PKD1: variants seen among roughly 807,000 people sequenced by gnomAD.
PKD1 encodes polycystin-1.
Under a neutral mutation model 361.7 loss-of-function variants are expected in PKD1, and 81 were observed. The ratio of observed to expected loss-of-function variants is 0.22; its 90% CI spans 0.19 to 0.27. The LOEUF (loss-of-function observed/expected upper bound fraction) is 0.27, where lower values mean the gene tolerates loss of function less well. Ranked by LOEUF, PKD1 falls within the 10% of genes least tolerant of loss-of-function variation. The pLI is 1.00. For missense variants in PKD1, 6,399 were observed against 6,118.3 expected (o/e 1.05, Z -1.53); for synonymous variants, 3,615 against 2,818.3 (o/e 1.28, Z -8.95).
intron 1 of PKD1, 61 bp from the exon 2 acceptor site, chr16:2,119,439 G>A (rs1044095185): frequency 8.4e-6 from 9 of 1,068,190 alleles, no homozygotes; most frequent in Non-Finnish European, 1.1e-5. Flanking sequence ...GGCCATCCCT[G>A]GGCCCATCCC....
At chr16:2,131,056 C>G (rs1269093659) in intron 1 of PKD1, among the ~76,000 whole-genome samples, 1 of 152,192 alleles carries the variant, frequency 6.6e-6, no homozygotes, top group Non-Finnish European at 1.5e-5. Flanking sequence ...TCGGCTCCAA[C>G]GACCAATTTA....
intron 34 of PKD1, 92 bp from the exon 35 acceptor site, chr16:2,094,302 C>A (rs1459675670): frequency 1.3e-6 from 1 of 793,982 alleles, no homozygotes; most frequent in Middle Eastern, 2.5e-4. Flanking sequence ...GTTTCTTGAG[C>A]CTCTTGGGTC....
In PKD1 at chr16:2,090,372, C is replaced by T; in HGVS notation, c.12357G>A (p.Arg4119=). ...CGTAGTCCTGGGGCTCCCAGGCCGG[C>T]CGGTACAGCTCTCCACGCAAGGCGT... ...RYHALRGELY[R]PAWEPQDYEM... Residue 4119 remains arginine, a synonymous_variant, in exon 45 of 46, where the codon CGG becomes CGA. Transcript: ENST00000262304. The T allele has an allele frequency of 1.9e-6, 3 of 1,612,692 alleles. No individual in the cohort carries two copies. The highest frequency in any genetic ancestry group is 1.7e-6 in the Non-Finnish European group (2 of 1,179,928).
chr16:2,114,046 G>A, intron 11 of PKD1, 124 bp downstream of exon 11: 1 of 845,540 alleles, frequency 1.2e-6, no homozygotes, highest in South Asian at 1.6e-5. Context: ...GACCTGCCCG[G>A]GGCCGACGTC....
At chr16:2,105,543 C>T in intron 20 of PKD1, 69 bp from the exon 21 acceptor site, 2 of 1,595,002 alleles carry the variant, frequency 1.3e-6, no homozygotes, top group Non-Finnish European at 1.7e-6. Flanking sequence ...AGCAGATGCC[C>T]ACGACTCCCG....
At position 2,089,734 on chromosome 16, in the gene PKD1, C is replaced by G; in HGVS notation, c.12905G>C (p.Ser4302Thr). Reference protein sequence around the residue: ...LRAKNKVHPSST With the variant: ...LRAKNKVHPSTT ...CCCCGCCAGGAAGGAGGACTAAGTG[C>G]TGCTGGGGTGGACCTTGTTCTTGGC... is the stretch of plus-strand genomic sequence containing the variant. Residue 4302 changes from serine (S) to threonine (T), a missense_variant, in exon 46 of 46, where the codon AGC becomes ACC. By Grantham distance (58) the Ser-to-Thr change is moderately conservative (BLOSUM62 1). Transcript: ENST00000262304. The G allele has an allele frequency of 6.3e-7, 1 of 1,583,682 alleles. No homozygotes were observed.
chr16:2,092,332 A>G, intron 39 of PKD1, 144 bp from the exon 40 acceptor site: 1 of 1,004,932 alleles, frequency 1.0e-6, no homozygotes, highest in Non-Finnish European at 1.5e-6. Context: ...CAACGTTACC[A>G]TCTCTCATAT....
rs1340039069 is a variant in PKD1 at position 2,091,891 on chromosome 16, G to A, written c.11427C>T (p.Gly3809=). The change falls in exon 41 of 46, where the codon GGC becomes GGT. Residue 3809 remains glycine, a synonymous_variant. Coordinates refer to ENST00000262304, the MANE Select transcript of PKD1 (RefSeq NM_001009944.3). The part of the protein sequence containing the change: ...APDLLGAWSW[G]SCAVYDSGGY... Reference sequence around the variant, plus strand: ...CCCCGCTGTCATACACGGCACAGGAGCCCCAGGACCATGCCCTGCCGGAGA... The same window carrying A: ...CCCCGCTGTCATACACGGCACAGGAACCCCAGGACCATGCCCTGCCGGAGA... The A allele has an allele frequency of 2.5e-6, 4 of 1,611,392 alleles. No individual in the cohort carries two copies. The highest frequency in any genetic ancestry group is 2.2e-5 in the South Asian group (2 of 91,052).
At position 2,135,853 on chromosome 16, in the gene PKD1, C is replaced by A. The variant is rs1457497785; in HGVS notation, c.-164G>T. The A allele has an allele frequency of 7.8e-6, 2 of 256,496 alleles. No individual in the cohort carries two copies. Among genetic ancestry groups the A allele is most frequent in the African/African-American group, 2.3e-5 (1 of 43,270 alleles). 15.9% of individuals were successfully genotyped at this position (256,496 alleles called of 1,614,324 possible). On this transcript the variant is annotated 5_prime_UTR_variant, in exon 1 of 46. Coordinates refer to ENST00000262304, the MANE Select transcript of PKD1 (RefSeq NM_001009944.3). ...GCCCGCTCGGGGCTCGGGGCCAGGCCGCTCCGGGAGCTCGGCCGCCCGCTC... is the reference window on the plus strand; with the variant it reads ...GCCCGCTCGGGGCTCGGGGCCAGGCAGCTCCGGGAGCTCGGCCGCCCGCTC...
In PKD1 at chr16:2,102,621, T is replaced by C; in HGVS notation, c.8961A>G (p.Pro2987=). ...AGAGGTTCAGATGGTAACTCCCCGC[T>C]GGGTCTCTGCTCCTGGGCAGGGAAG... ...TFFISPGSRD[P]AGSYHLNLSS... is the part of the protein sequence containing the mutation. Residue 2987 remains proline (P), a synonymous_variant, in exon 25 of 46, where the codon CCA becomes CCG. Transcript: ENST00000262304. 1 of 1,610,980 alleles carries C rather than the reference T, an allele frequency of 6.2e-7. No homozygotes were observed. The highest frequency in any genetic ancestry group is 8.5e-7 in the Non-Finnish European group (1 of 1,179,800).
intron 34 of PKD1, among the ~76,000 whole-genome samples, chr16:2,095,601 G>C (rs1283780291): frequency 6.6e-6 from 1 of 152,226 alleles, no homozygotes; most frequent in East Asian, 1.9e-4. Context: ...CTCAGGCGCA[G>C]GGAAGGCCGT....
chr16:2,099,291 C>T, intron 30 of PKD1: 2 of 369,178 alleles, frequency 5.4e-6, no homozygotes, highest in South Asian at 2.1e-5. Context: ...AAGGGACTAA[C>T]TCAGCCTCTT....
At position 2,097,779 on chromosome 16, in the gene PKD1, T is replaced by G; in HGVS notation, c.10169A>C (p.Gln3390Pro). Reference sequence around the variant, plus strand: ...ACTCTTCATCTGTCCAACAAAGGCCTGCTGAGAGGTGCACAGTGTCTTGAG... The same window carrying G: ...ACTCTTCATCTGTCCAACAAAGGCCGGCTGAGAGGTGCACAGTGTCTTGAG... ...FLTFSGLHAE[Q>P]AFVGQMKSDL... is the part of the protein sequence containing the mutation. Residue 3390 changes from glutamine (Q) to proline (P), a missense_variant and splice_region_variant, in exon 32 of 46, where the codon CAG becomes CCG. Physicochemically the swap from Gln to Pro is moderately conservative, Grantham distance 76. Coordinates refer to ENST00000262304, the MANE Select transcript of PKD1 (RefSeq NM_001009944.3). The G allele has an allele frequency of 6.2e-7, 1 of 1,611,410 alleles. No individual in the cohort carries two copies. The highest frequency in any genetic ancestry group is 8.5e-7 in the Non-Finnish European group (1 of 1,179,874).
intron 22 of PKD1, 44 bp from the exon 23 acceptor site, chr16:2,103,939 G>C (rs761366731): frequency 1.4e-6 from 2 of 1,386,150 alleles, no homozygotes; most frequent in South Asian, 2.5e-5. Context: ...GGAGGTAGAG[G>C]GAGGGTGGGG....
Position 2,105,939 on chromosome 16 carries a change from G to C in PKD1, c.7789C>G (p.Pro2597Ala), listed in dbSNP as rs535201517. 1.0e-4 allele frequency: 161 copies of C among 1,598,388 alleles called. No individual in the cohort carries two copies. In the African/African-American group the frequency reaches 1.9e-3, roughly 19 times the overall value. ...WLHGLTASVL[P>A]GLLRQADPQH... ...GGATCGGCCTGCCGCAGCAGCCCTG[G>C]GAGCACACTAGCGGTGAGCCCGTGC... Residue 2597 changes from proline (P) to alanine (A), a missense_variant, in exon 20 of 46, where the codon CCA becomes GCA. By Grantham distance (27) the Pro-to-Ala change is conservative. Coordinates refer to ENST00000262304, the MANE Select transcript of PKD1 (RefSeq NM_001009944.3).
Position 2,090,503 on chromosome 16 carries a change from G to GAC in PKD1, c.12224_12225dup (p.Pro4076ValfsTer123). ...GGTGACAGGTGCCAGGACTCGGCAGGACACAGGGTAGAGAGCCCAGTCCCA... is the reference window on the plus strand; with the variant it reads ...GGTGACAGGTGCCAGGACTCGGCAGGACACACAGGGTAGAGAGCCCAGTCCCA... On this transcript the variant is annotated frameshift_variant, in exon 45 of 46. Transcript: ENST00000262304. LOFTEE classifies it high-confidence loss of function. 1 of 1,611,608 alleles carries GAC rather than the reference G, an allele frequency of 6.2e-7. No individual in the cohort carries two copies.
At position 2,102,417 on chromosome 16, in the gene PKD1, G is replaced by T; in HGVS notation, c.9165C>A (p.Leu3055=). The T allele has an allele frequency of 6.4e-7, 1 of 1,553,400 alleles. No homozygotes were observed. The highest frequency in any genetic ancestry group is 8.7e-7 in the Non-Finnish European group (1 of 1,149,856). The part of the protein sequence containing the change: ...TRHLTAFGAS[L]FVPPSHVRFV... ...AGCGGACATGGCTTGGGGGCACGAAGAGGCTGGCGCCGAAGGCGGTGAGGT... is the reference window on the plus strand; with the variant it reads ...AGCGGACATGGCTTGGGGGCACGAATAGGCTGGCGCCGAAGGCGGTGAGGT... Residue 3055 remains leucine, a synonymous_variant, in exon 25 of 46, where the codon CTC becomes CTA. Transcript: ENST00000262304.
chr16:2,089,989 G>A lies in PKD1; in HGVS notation c.12650C>T (p.Ala4217Val). The A allele has an allele frequency of 2.5e-6, 4 of 1,611,404 alleles. No individual in the cohort carries two copies. Among genetic ancestry groups the A allele is most frequent in the African/African-American group, 2.7e-5 (2 of 75,052 alleles). ...CTGGGTGAGCAGGGCCTCGAACACG[G>A]CTTGGAGGCGGGAGGGCTCAGGCTC... ...RCEPEPSRLQ[A>V]VFEALLTQFD... Residue 4217 changes from alanine to valine, a missense_variant, in exon 46 of 46, where the codon GCC becomes GTC. Ala to Val is a moderately conservative substitution (Grantham distance 64). Coordinates refer to ENST00000262304, the MANE Select transcript of PKD1 (RefSeq NM_001009944.3).
Position 2,111,208 on chromosome 16 carries a change from T to A in PKD1, c.3959A>T (p.Asn1320Ile), listed in dbSNP as rs773778177. The A allele has an allele frequency of 6.2e-7, 1 of 1,611,130 alleles. No homozygotes were observed. The highest frequency in any genetic ancestry group is 8.5e-7 in the Non-Finnish European group (1 of 1,179,694). ...CCAGTCGAAGAGGTAGTGGGCCGGG[T>A]TCCCGGTGACGTAGGCCGTGAGCCG... ...DARLTAYVTG[N>I]PAHYLFDWTF... The change falls in exon 15 of 46, where the codon AAC becomes ATC. Residue 1320 changes from asparagine (N) to isoleucine (I), a missense_variant. By Grantham distance (149) the Asn-to-Ile change is moderately radical. Coordinates refer to ENST00000262304, the MANE Select transcript of PKD1 (RefSeq NM_001009944.3).
Sources: gnomAD v4.1 joint callset for allele counts (sites outside exome capture counted in the v4.1 genomes callset) on GRCh38, gnomAD v4.1.1 for gene constraint, MANE v1.5 for transcripts, NCBI Gene and HGNC (gene_info 2026-07-23, HGNC 2026-07-21) for gene names.